QKI: variants seen among roughly 807,000 people sequenced by gnomAD.
The protein encoded by QKI is KH domain-containing RNA-binding protein QKI.
Under a neutral mutation model 39.0 loss-of-function variants are expected in QKI, and 10 were observed. The observed-to-expected ratio is 0.26, with a 90% CI of 0.16 to 0.43. The LOEUF is 0.43. Ranked by LOEUF, QKI falls within the 20% of genes least tolerant of loss-of-function variation. QKI has a pLI of 1.00. For synonymous variants in QKI, 204 were observed against 155.4 expected (o/e 1.31, Z -2.33); for missense variants, 218 against 428.0 (o/e 0.51, Z 4.33).
chr6:163,425,370 T>TTG (rs1485174059), intron 1 of QKI, among the ~76,000 whole-genome samples: 2 of 152,142 alleles, frequency 1.3e-5, no homozygotes, highest in Admixed American at 6.6e-5. Context: ...TAGGGCTAGA[T>TTG]TGTGGTGGGC....
chr6:163,426,769 T>C (rs996090833), intron 1 of QKI, among the ~76,000 whole-genome samples: 1 of 152,230 alleles, frequency 6.6e-6, no homozygotes. Flanking sequence ...GCCAGATATA[T>C]GCTGCTGCTT....
In QKI at chr6:163,574,352, G is replaced by A. The variant is rs757138763; in HGVS notation, c.*3642G>A. The stretch of plus-strand genomic sequence containing the variant: ...ACTTGACCTTTTTCCTTTGGAAAGC[G>A]TTGAACTTGTTTAGCTAACTACTCC... On this transcript the variant is annotated 3_prime_UTR_variant, in exon 8 of 8. Transcript: ENST00000361752. 4 of 152,094 alleles carry A rather than the reference G, an allele frequency of 2.6e-5. No individual in the cohort carries two copies. The highest frequency in any genetic ancestry group is 5.9e-5 in the Non-Finnish European group (4 of 68,012). 9.4% of individuals were successfully genotyped at this position (152,094 alleles called of 1,614,324 possible).
At chr6:163,527,204 A>G (rs1028525818) in intron 3 of QKI, among the ~76,000 whole-genome samples, 1 of 152,136 alleles carries the variant, frequency 6.6e-6, no homozygotes, top group Non-Finnish European at 1.5e-5. Flanking sequence ...TCAAGTTTTT[A>G]AAAGTTTTTT....
At chr6:163,523,694 AAATT>A (rs1186923769) in intron 3 of QKI, among the ~76,000 whole-genome samples, 2 of 152,256 alleles carry the variant, frequency 1.3e-5, no homozygotes, top group Admixed American at 6.5e-5. Context: ...ACAAATACAG[AAATT>A]AATATTTTAA....
intron 4 of QKI, among the ~76,000 whole-genome samples, chr6:163,555,322 A>G (rs111342374): frequency 1.3e-5 from 2 of 152,130 alleles, no homozygotes; most frequent in African/African-American, 4.8e-5. Flanking sequence ...GAGATAGCAC[A>G]TGGCTATATA....
chr6:163,474,045 A>ATCCCT (rs1456027926), intron 2 of QKI, among the ~76,000 whole-genome samples: 1 of 152,238 alleles, frequency 6.6e-6, no homozygotes. Context: ...GTTGGTTAAC[A>ATCCCT]TTTGCAGTTG....
chr6:163,557,758 G>A (rs1415290912), intron 4 of QKI, among the ~76,000 whole-genome samples: 1 of 151,714 alleles, frequency 6.6e-6, no homozygotes, highest in Non-Finnish European at 1.5e-5. Flanking sequence ...TTATATGCCT[G>A]TATCAAAATA....
chr6:163,508,080 A>G (rs1779208562), intron 3 of QKI, among the ~76,000 whole-genome samples: 1 of 152,158 alleles, frequency 6.6e-6, no homozygotes, highest in Non-Finnish European at 1.5e-5. Context: ...GAATTTGAAG[A>G]AAGAGCAATA....
chr6:163,563,362 T>C, intron 5 of QKI, 58 bp from the exon 6 acceptor site: 1 of 1,439,624 alleles, frequency 6.9e-7, no homozygotes, highest in South Asian at 1.4e-5. Flanking sequence ...CTTCTCATTT[T>C]TCCGTATTTT....
chr6:163,458,106 G>A (rs2128219945), intron 2 of QKI, among the ~76,000 whole-genome samples: 1 of 152,158 alleles, frequency 6.6e-6, no homozygotes, highest in African/African-American at 2.4e-5. Context: ...GTTAGCACAG[G>A]GGCAGTGTCA....
At chr6:163,516,079 G>C (rs904747272) in intron 3 of QKI, among the ~76,000 whole-genome samples, 1 of 152,088 alleles carries the variant, frequency 6.6e-6, no homozygotes, top group Non-Finnish European at 1.5e-5. Context: ...GGTATTCTAG[G>C]ATGTTAAGGT....
intron 3 of QKI, among the ~76,000 whole-genome samples, chr6:163,489,381 A>G (rs1298839952): frequency 6.6e-6 from 1 of 151,648 alleles, no homozygotes; most frequent in African/African-American, 2.4e-5. Context: ...TCTGTTGTGC[A>G]GGAGATTGAG....
intron 3 of QKI, among the ~76,000 whole-genome samples, chr6:163,502,823 A>G (rs1295558434): frequency 6.6e-6 from 1 of 152,062 alleles, no homozygotes; most frequent in East Asian, 1.9e-4. Context: ...TGCAAGTTGC[A>G]TGTGTCTTTT....
intron 4 of QKI, among the ~76,000 whole-genome samples, chr6:163,540,049 GT>G (rs369927378): frequency 8.7e-5 from 13 of 148,628 alleles, no homozygotes; most frequent in African/African-American, 2.7e-4. Context: ...ATCTTGAACT[GT>G]TTTTTTTTTA....
Position 163,541,783 on chromosome 6 carries a change from A to T in QKI, c.546+6658A>T, listed in dbSNP as rs1312411404. Among the ~76,000 whole-genome samples, 3 of 151,580 alleles carry T rather than the reference A, an allele frequency of 2.0e-5. No homozygotes were observed. The East Asian group carries it at 5.8e-4, about 29-fold the overall frequency. On this transcript the variant is annotated intron_variant, in intron 4 of 7. Transcript: ENST00000361752. The stretch of plus-strand genomic sequence containing the variant: ...TCCTTCTTTTAATTTTGAGGTCTTT[A>T]TTTTTTTCTCCCCAAATACCAGTTA...
intron 2 of QKI, among the ~76,000 whole-genome samples, chr6:163,467,364 CAT>C (rs930637721): frequency 1.1e-4 from 16 of 152,314 alleles, no homozygotes; most frequent in Middle Eastern, 6.8e-3. Flanking sequence ...CACAGGAACT[CAT>C]ATGTTTAGAA....
At position 163,535,516 on chromosome 6, in the gene QKI, C is replaced by G. The variant is rs548553041; in HGVS notation, c.546+391C>G. ...TTAGAAATAATAATTGTACTACTCC[C>G]AGAGTATAATTTTTTTTTTTTTAAC... On this transcript the variant is annotated intron_variant, in intron 4 of 7. Coordinates refer to ENST00000361752, the MANE Select transcript of QKI (RefSeq NM_006775.3). Among the ~76,000 whole-genome samples, 9 of 111,660 alleles carry G rather than the reference C, an allele frequency of 8.1e-5. No homozygotes were observed. In the East Asian group the frequency reaches 2.7e-3, roughly 34 times the overall value. The allele number at this position is 111,660 out of a possible 152,430, so 73.3% of individuals were successfully genotyped here.
chr6:163,526,293 G>T (rs1205772455), intron 3 of QKI, among the ~76,000 whole-genome samples: 6 of 152,120 alleles, frequency 3.9e-5, no homozygotes, highest in Non-Finnish European at 8.8e-5. Context: ...TTTTCCCCTG[G>T]TATACTATCA....
chr6:163,534,856 A>T (rs1781097784), intron 3 of QKI, 126 bp from the exon 4 acceptor site: 2 of 746,624 alleles, frequency 2.7e-6, no homozygotes, highest in Non-Finnish European at 2.0e-6. Flanking sequence ...TAATTCAAAG[A>T]CTTGTGCCAT....
Sources: allele counts gnomAD v4.1 joint callset (sites outside exome capture counted in the v4.1 genomes callset), GRCh38; gene constraint gnomAD v4.1.1; transcripts MANE v1.5; gene names NCBI Gene and HGNC (gene_info 2026-07-23, HGNC 2026-07-21).